RADIL: variants seen among roughly 807,000 people sequenced by gnomAD.
The protein encoded by RADIL is Rap associating with DIL domain, also known as ras-associating and dilute domain-containing protein.
Under a neutral mutation model 97.6 loss-of-function variants are expected in RADIL, and 99 were observed. The ratio of observed to expected loss-of-function variants is 1.01; its 90% CI spans 0.86 to 1.20. The LOEUF (loss-of-function observed/expected upper bound fraction) is 1.20, where lower values mean the gene tolerates loss of function less well. Ranked by LOEUF, RADIL falls within the 50% of genes most tolerant of loss-of-function variation. The pLI is 0.00. For synonymous variants in RADIL, 803 were observed against 691.8 expected (o/e 1.16, Z -2.52); for missense variants, 1,765 against 1,498.9 (o/e 1.18, Z -2.93).
Position 4,799,730 on chromosome 7 carries a change from G to C in RADIL, c.3022C>G (p.Leu1008Val). 6.4e-7 allele frequency: 1 copy of C among 1,561,060 alleles called. No homozygotes were observed. Among genetic ancestry groups the C allele is most frequent in the Non-Finnish European group, 8.6e-7 (1 of 1,156,798 alleles). Residue 1008 changes from leucine to valine, a missense_variant, in exon 14 of 15, where the codon CTG becomes GTG. Leu to Val is a conservative substitution (Grantham distance 32). Coordinates refer to ENST00000399583, the MANE Select transcript of RADIL (RefSeq NM_018059.5). Reference sequence around the variant, plus strand: ...GCCGCTGCGGGGCTGCCCGGGAGCAGGGTCTGGATGTAGAGCCCGGGGGCG... The same window carrying C: ...GCCGCTGCGGGGCTGCCCGGGAGCACGGTCTGGATGTAGAGCCCGGGGGCG... ...LGAPGLYIQTLLPGSPAAADG... is the reference protein window; with the variant it reads ...LGAPGLYIQTVLPGSPAAADG...
intron 10 of RADIL, among the ~76,000 whole-genome samples, chr7:4,805,008 C>T (rs929878091): frequency 3.9e-5 from 6 of 152,034 alleles, no homozygotes; most frequent in Non-Finnish European, 7.4e-5. Context: ...GTAGGAGAAT[C>T]GCTTGAACCT....
At chr7:4,875,172 A>T (rs1350001280) in intron 2 of RADIL, among the ~76,000 whole-genome samples, 1 of 136,992 alleles carries the variant, frequency 7.3e-6, no homozygotes, top group African/African-American at 3.4e-5. Context: ...AGCCTGGGCG[A>T]CAGAGCGAGA....
chr7:4,855,831 T>C (rs1345475908), intron 2 of RADIL, among the ~76,000 whole-genome samples: 1 of 152,104 alleles, frequency 6.6e-6, no homozygotes, highest in African/African-American at 2.4e-5. Flanking sequence ...AGTCTTGCTC[T>C]GTCGCTCAGG....
rs1266095521 is a variant in RADIL at position 4,813,175 on chromosome 7, G to GTGAT, written c.2139+2099_2139+2102dup. On this transcript the variant is annotated intron_variant, in intron 9 of 14. Transcript: ENST00000399583. This position sits in a 1 kb window ranked among gnomAD's most constrained non-coding sequence, Gnocchi z 5.0. ...GTTGCCCAGGCTGGAGTGCAGTGGT[G>GTGAT]TGATCATGGCTCACTGAAGCGTTTA... 6.6e-6 allele frequency among the ~76,000 whole-genome samples: 1 copy of GTGAT among 151,670 alleles called. No homozygotes were observed. The highest frequency in any genetic ancestry group is 1.5e-5 in the Non-Finnish European group (1 of 67,926).
At chr7:4,831,171 A>G (rs1783129209) in intron 5 of RADIL, among the ~76,000 whole-genome samples, 1 of 151,358 alleles carries the variant, frequency 6.6e-6, no homozygotes, top group Non-Finnish European at 1.5e-5. Context: ...AGCCTGGGCA[A>G]CAAGAGCGAA....
In RADIL at chr7:4,801,827, A is replaced by G; in HGVS notation, c.2668T>C (p.Ser890Pro). The change falls in exon 12 of 15, where the codon TCC (serine) becomes CCC (proline). Residue 890 changes from serine (S) to proline (P), a missense_variant. By Grantham distance (74) the Ser-to-Pro change is moderately conservative. Transcript: ENST00000399583. ...TCCGTGTGCGGGGGGCCAGCCTGGG[A>G]GCCCCCACGGCTGGGTTGCCTTCCA... is the stretch of plus-strand genomic sequence containing the variant. ...PPGRQPSRGG[S>P]QAGPPHTDSS... 1 of 1,605,880 alleles carries G rather than the reference A, an allele frequency of 6.2e-7. No homozygotes were observed.
At position 4,837,625 on chromosome 7, in the gene RADIL, A is replaced by G. The variant is rs1166829139; in HGVS notation, c.536-1020T>C. On this transcript the variant is annotated intron_variant, in intron 2 of 14. Transcript: ENST00000399583. This position sits in a 1 kb window ranked among gnomAD's most constrained non-coding sequence, Gnocchi z 5.6. ...TGCACACACACATGCACACACATGC[A>G]CCCAAAAACACACATGCACACACAT... is the stretch of plus-strand genomic sequence containing the variant. Among the ~76,000 whole-genome samples, 1 of 152,106 alleles carries G rather than the reference A, an allele frequency of 6.6e-6. No homozygotes were observed. Among genetic ancestry groups the G allele is most frequent in the Non-Finnish European group, 1.5e-5 (1 of 68,006 alleles).
At chr7:4,831,008 G>A (rs1028796015) in intron 5 of RADIL, among the ~76,000 whole-genome samples, 24 of 148,902 alleles carry the variant, frequency 1.6e-4, no homozygotes, top group Admixed American at 1.2e-3. Context: ...GCGACAGAGC[G>A]AGATGCCGTT....
intron 2 of RADIL, among the ~76,000 whole-genome samples, chr7:4,847,739 C>CAAAAAAAAAAAAAAAAAA (rs56177809): frequency 1.3e-4 from 3 of 23,794 alleles, no homozygotes; most frequent in Non-Finnish European, 2.2e-4. Context: ...AAGCTAGATG[C>CAAAAAAAAAAAAAAAAAA]AAAAAAAAAA....
chr7:4,818,764 C>T lies in RADIL; in HGVS notation c.1616-1413G>A, dbSNP rs1216436775. ...CCTCAGGCTGCCAGGTCTGAGAACCCAGCCCCACATCACTCCCTGGGCAGG... is the reference window on the plus strand; with the variant it reads ...CCTCAGGCTGCCAGGTCTGAGAACCTAGCCCCACATCACTCCCTGGGCAGG... On this transcript the variant is annotated intron_variant, in intron 6 of 14. Transcript: ENST00000399583. This position sits in a 1 kb window ranked among gnomAD's most constrained non-coding sequence, Gnocchi z 7.1. 6.6e-6 allele frequency among the ~76,000 whole-genome samples: 1 copy of T among 152,168 alleles called. No individual in the cohort carries two copies. Among genetic ancestry groups the T allele is most frequent in the African/African-American group, 2.4e-5 (1 of 41,436 alleles).
Position 4,835,200 on chromosome 7 carries a change from C to T in RADIL, c.823G>A (p.Val275Met), listed in dbSNP as rs1229224461. The T allele has an allele frequency of 3.7e-6, 6 of 1,611,778 alleles. No individual in the cohort carries two copies. Among genetic ancestry groups the T allele is most frequent in the Non-Finnish European group, 5.1e-6 (6 of 1,179,850 alleles). Residue 275 changes from valine to methionine, a missense_variant, in exon 4 of 15, where the codon GTG becomes ATG. Transcript: ENST00000399583. This position sits in a 1 kb window ranked among gnomAD's most constrained non-coding sequence, Gnocchi z 5.8. Reference sequence around the variant, plus strand: ...TTGCTGGAGGGGGTCCGCTGGCCCACCGTGTGCCGGTCCCGGTTGAGCACA... The same window carrying T: ...TTGCTGGAGGGGGTCCGCTGGCCCATCGTGTGCCGGTCCCGGTTGAGCACA... Reference protein sequence around the residue: ...VYVLNRDRHTVGQRTPSSKPS... With the variant: ...VYVLNRDRHTMGQRTPSSKPS...
At position 4,821,164 on chromosome 7, in the gene RADIL, C is replaced by G. The variant is rs142979422; in HGVS notation, c.1615+1230G>C. Among the ~76,000 whole-genome samples, 1 of 152,200 alleles carries G rather than the reference C, an allele frequency of 6.6e-6. No individual in the cohort carries two copies. Among genetic ancestry groups the G allele is most frequent in the Non-Finnish European group, 1.5e-5 (1 of 68,028 alleles). On this transcript the variant is annotated intron_variant, in intron 6 of 14. Coordinates refer to ENST00000399583, the MANE Select transcript of RADIL (RefSeq NM_018059.5). The surrounding 1 kb of genome is among the most constrained non-coding windows in gnomAD (Gnocchi z 5.2). Reference sequence around the variant, plus strand: ...AGCTCAGAGACGCAGCCTGGAGCAGCTCTGAATGCACCACTCCCTACCCGG... The same window carrying G: ...AGCTCAGAGACGCAGCCTGGAGCAGGTCTGAATGCACCACTCCCTACCCGG...
chr7:4,852,745 A>G (rs1215465591), intron 2 of RADIL, among the ~76,000 whole-genome samples: 1 of 151,994 alleles, frequency 6.6e-6, no homozygotes, highest in East Asian at 1.9e-4. Flanking sequence ...GTTTCACCAT[A>G]TTGGCCAGGC....
chr7:4,823,610 G>A (rs1056009938), intron 5 of RADIL, among the ~76,000 whole-genome samples: 2 of 152,186 alleles, frequency 1.3e-5, no homozygotes, highest in African/African-American at 2.4e-5. Context: ...CCGGCTCAGT[G>A]CTCCCTTTTC....
intron 9 of RADIL, among the ~76,000 whole-genome samples, chr7:4,806,195 G>A (rs150770648): frequency 6.6e-6 from 1 of 152,254 alleles, no homozygotes; most frequent in African/African-American, 2.4e-5. Context: ...TGTCACGCAG[G>A]TTGGGGTGCA....
chr7:4,858,400 T>C (rs1306608359), intron 2 of RADIL: 1 of 152,338 alleles, frequency 6.6e-6, no homozygotes, highest in East Asian at 1.9e-4. Flanking sequence ...ATAGATGCTC[T>C]ACTGCTTAAT....
chr7:4,857,711 T>C (rs576152165), intron 2 of RADIL: 2 of 152,780 alleles, frequency 1.3e-5, no homozygotes, highest in South Asian at 2.1e-4. Context: ...AATCGTACTA[T>C]TGTCCAGTAT....
In RADIL at chr7:4,840,373, G is replaced by A. The variant is rs1416170680; in HGVS notation, c.536-3768C>T. On this transcript the variant is annotated intron_variant, in intron 2 of 14. Transcript: ENST00000399583. The surrounding 1 kb of genome is among the most constrained non-coding windows in gnomAD (Gnocchi z 5.6). The stretch of plus-strand genomic sequence containing the variant: ...GCCCCCACTTGGCCTTTGGGTGGAG[G>A]GAGACAGGAGCCGAGGCACGTGGAG... Among the ~76,000 whole-genome samples the A allele has an allele frequency of 1.3e-5, 2 of 152,156 alleles. No homozygotes were observed. The highest frequency in any genetic ancestry group is 6.5e-5 in the Admixed American group (1 of 15,282).
At chr7:4,875,190 TC>T (rs1444887690) in intron 2 of RADIL, among the ~76,000 whole-genome samples, 5,546 of 94,434 alleles carry the variant, frequency 0.059, 569 homozygotes, top group African/African-American at 0.18. Context: ...AGACTCCATC[TC>T]CAACAACAAC....
Sources: allele counts gnomAD v4.1 joint callset (sites outside exome capture counted in the v4.1 genomes callset), GRCh38; gene constraint gnomAD v4.1.1; non-coding constraint Gnocchi (gnomAD v3.1); transcripts MANE v1.5; gene names NCBI Gene and HGNC (gene_info 2026-07-23, HGNC 2026-07-21).